Variants in KHDRBS2 observed in about 807,000 individuals in gnomAD.
The protein encoded by KHDRBS2 is KH domain-containing, RNA-binding, signal transduction-associated protein 2.
KHDRBS2 carries 26 observed loss-of-function variants against 44.3 expected under a neutral mutation model. That is an observed-to-expected ratio of 0.59 (90% CI 0.43 to 0.81). The LOEUF is 0.81. KHDRBS2 is among the 40% of genes least tolerant of loss of function. KHDRBS2 has a pLI of 0.00. For synonymous variants in KHDRBS2, 194 were observed against 151.1 expected, an observed-to-expected ratio of 1.28 and a Z score of -2.08; for missense variants, 476 against 433.1, an observed-to-expected ratio of 1.10 and a Z score of -0.88.
the KHDRBS2 span, among the ~76,000 whole-genome samples, chr6:61,662,649 A>C: frequency 6.6e-6 from 1 of 152,094 alleles, no homozygotes; most frequent in African/African-American, 2.4e-5. Flanking sequence ...ACATGAAAAA[A>C]TGCTCATCAT....
the KHDRBS2 span, among the ~76,000 whole-genome samples, chr6:61,653,110 A>G: frequency 3.2e-4 from 48 of 152,250 alleles, no homozygotes; most frequent in Middle Eastern, 3.4e-3. Context: ...TGGTGGAGTC[A>G]GTGAGAATAT....
rs114792137 is a variant in KHDRBS2 at position 62,185,198 on chromosome 6, T to C, written c.92-7886A>G. 1.5e-3 allele frequency among the ~76,000 whole-genome samples: 229 copies of C among 152,094 alleles called. 1 individual carries two copies. The highest frequency in any genetic ancestry group is 5.3e-3 in the African/African-American group (222 of 41,548). ...TGTCTCCCTGTATTTTGTAACCTCT[T>C]AGCAGGAAGTTTATTTTACCCATCG... On this transcript the variant is annotated intron_variant, in intron 1 of 8. Coordinates refer to ENST00000281156, the MANE Select transcript of KHDRBS2 (RefSeq NM_152688.4).
At chr6:61,673,824 A>G in the KHDRBS2 span, among the ~76,000 whole-genome samples, 6 of 144,122 alleles carry the variant, frequency 4.2e-5, no homozygotes, top group African/African-American at 1.5e-4. Flanking sequence ...AGGAAGAATC[A>G]ATATCGTGAA....
chr6:62,149,948 T>C (rs1295814323), intron 2 of KHDRBS2, among the ~76,000 whole-genome samples: 1 of 152,144 alleles, frequency 6.6e-6, no homozygotes, highest in Non-Finnish European at 1.5e-5. Context: ...TTTTTTTTCA[T>C]GTGTGAAGTT....
intron 2 of KHDRBS2, among the ~76,000 whole-genome samples, chr6:62,156,321 T>C (rs1214055544): frequency 3.3e-5 from 5 of 152,302 alleles, no homozygotes; most frequent in East Asian, 1.9e-4. Context: ...CCAAAAACTT[T>C]TATGTTAATA....
intron 2 of KHDRBS2, among the ~76,000 whole-genome samples, chr6:62,170,282 G>A (rs924322427): frequency 6.6e-6 from 1 of 151,998 alleles, no homozygotes; most frequent in African/African-American, 2.4e-5. Flanking sequence ...ATCAGGGCAT[G>A]TCTCCCTCCA....
intron 1 of KHDRBS2, among the ~76,000 whole-genome samples, chr6:62,276,358 C>A (rs1442338764): frequency 6.6e-6 from 1 of 152,208 alleles, no homozygotes; most frequent in Non-Finnish European, 1.5e-5. Context: ...AAAACCCTGA[C>A]TGCCTCAAGA....
chr6:62,133,030 T>C (rs1361795392), intron 2 of KHDRBS2, among the ~76,000 whole-genome samples: 1 of 152,180 alleles, frequency 6.6e-6, no homozygotes, highest in Admixed American at 6.5e-5. Context: ...TTCAACTCTG[T>C]CATAACACAA....
At chr6:62,103,252 C>T (rs909700887) in intron 2 of KHDRBS2, among the ~76,000 whole-genome samples, 5 of 152,140 alleles carry the variant, frequency 3.3e-5, no homozygotes, top group African/African-American at 1.2e-4. Context: ...CACCTAGAAA[C>T]CTGTCTGCCT....
At chr6:61,702,487 C>A (rs867402891) in intron 7 of KHDRBS2, among the ~76,000 whole-genome samples, 1 of 152,008 alleles carries the variant, frequency 6.6e-6, no homozygotes, top group South Asian at 2.1e-4. Context: ...GTCCATATCC[C>A]AAATAATATA....
intron 1 of KHDRBS2, among the ~76,000 whole-genome samples, chr6:62,246,105 TA>T (rs1563129108): frequency 1.8e-4 from 5 of 27,366 alleles, no homozygotes; most frequent in African/African-American, 2.8e-4. Flanking sequence ...ATCAATTTTA[TA>T]TATATATATA....
intron 3 of KHDRBS2, among the ~76,000 whole-genome samples, chr6:61,996,623 G>T (rs1279855041): frequency 2.0e-5 from 3 of 152,060 alleles, no homozygotes; most frequent in African/African-American, 7.2e-5. Flanking sequence ...TCCAGTTCAG[G>T]CACTCTGATT....
intron 6 of KHDRBS2, among the ~76,000 whole-genome samples, chr6:61,808,835 CT>C (rs1307782136): frequency 2.0e-5 from 3 of 151,348 alleles, no homozygotes; most frequent in African/African-American, 4.8e-5. Context: ...TTCAAATTTT[CT>C]TTTTTTCTTT....
chr6:61,909,311 C>T (rs773829327), intron 4 of KHDRBS2, among the ~76,000 whole-genome samples: 4 of 152,156 alleles, frequency 2.6e-5, no homozygotes, highest in Non-Finnish European at 4.4e-5. Flanking sequence ...TCAAGTGATC[C>T]GCCCGTCTCA....
At chr6:61,724,830 A>G (rs1441101408) in intron 7 of KHDRBS2, among the ~76,000 whole-genome samples, 1 of 152,188 alleles carries the variant, frequency 6.6e-6, no homozygotes, top group Non-Finnish European at 1.5e-5. Flanking sequence ...GAGACCTACA[A>G]GGAGACTTAG....
rs569109183 is a variant in KHDRBS2 at position 61,899,027 on chromosome 6, C to T, written c.611+2217G>A. On this transcript the variant is annotated intron_variant, in intron 5 of 8. Transcript: ENST00000281156. The stretch of plus-strand genomic sequence containing the variant: ...AACTAACATAAAATGTTCATAAATC[C>T]CTTTTTACTTTCAGTTATTATTTTC... Among the ~76,000 whole-genome samples the T allele has an allele frequency of 1.5e-3, 235 of 151,780 alleles. 7 individuals carry two copies. The South Asian group carries it at 0.045, about 29-fold the overall frequency.
intron 2 of KHDRBS2, among the ~76,000 whole-genome samples, chr6:62,098,051 G>T (rs1197042557): frequency 1.3e-5 from 2 of 151,982 alleles, no homozygotes; most frequent in Middle Eastern, 3.4e-3. Flanking sequence ...CCCACATTTG[G>T]AATTTTTAAT....
intron 2 of KHDRBS2, among the ~76,000 whole-genome samples, chr6:62,052,601 T>G (rs1160936506): frequency 8.5e-6 from 1 of 117,062 alleles, no homozygotes; most frequent in African/African-American, 3.5e-5. Flanking sequence ...TTTCCACTGG[T>G]GGGGTGGGGG....
chr6:62,079,890 AAC>A (rs1196492819), intron 2 of KHDRBS2, among the ~76,000 whole-genome samples: 1 of 152,056 alleles, frequency 6.6e-6, no homozygotes, highest in Non-Finnish European at 1.5e-5. Context: ...CATACAATAT[AAC>A]AGTTTAAAAA....
Sources: allele counts gnomAD v4.1 joint callset (sites outside exome capture counted in the v4.1 genomes callset), GRCh38; gene constraint gnomAD v4.1.1; transcripts MANE v1.5; gene names NCBI Gene and HGNC (gene_info 2026-07-23, HGNC 2026-07-21).